SRRM2: variants seen among roughly 807,000 people sequenced by gnomAD.
SRRM2 encodes the protein serine/arginine repetitive matrix protein 2.
Under a neutral mutation model 213.8 loss-of-function variants are expected in SRRM2, and 30 were observed. The ratio of observed to expected loss-of-function variants is 0.14; its 90% CI spans 0.10 to 0.19. The LOEUF is 0.19. Ranked by LOEUF, SRRM2 falls within the 10% of genes least tolerant of loss-of-function variation. SRRM2 has a pLI of 1.00. For missense variants in SRRM2, 4,904 were observed against 3,647.0 expected (o/e 1.34, Z -8.88); for synonymous variants, 2,025 against 1,377.7 (o/e 1.47, Z -10.40).
In SRRM2 at chr16:2,762,336, G is replaced by A. The variant is rs1442668150; in HGVS notation, c.1808G>A (p.Arg603Lys). 6.2e-7 allele frequency: 1 copy of A among 1,614,046 alleles called. No homozygotes were observed. The highest frequency in any genetic ancestry group is 1.1e-5 in the South Asian group (1 of 91,070). Reference protein sequence around the residue: ...RSRSRTPTRRRSRSRTPARRG... With the variant: ...RSRSRTPTRRKSRSRTPARRG... The stretch of plus-strand genomic sequence containing the variant: ...CGATCCAGAACTCCCACCAGGCGTA[G>A]GTCTCGGTCTAGAACACCAGCCCGG... The change falls in exon 11 of 15, where the codon AGG becomes AAG. Residue 603 changes from arginine to lysine, a missense_variant. By Grantham distance (26) the Arg-to-Lys change is conservative (BLOSUM62 2). Transcript: ENST00000301740.
chr16:2,757,045 A>C (rs1483516124), intron 2 of SRRM2, among the ~76,000 whole-genome samples: 2 of 152,138 alleles, frequency 1.3e-5, no homozygotes, highest in Non-Finnish European at 2.9e-5. Flanking sequence ...AAGAAGTGGG[A>C]ATCATGGGCT....
rs777206525 is a variant in SRRM2, at chr16:2,767,767, C to G, written c.7239C>G (p.Ala2413=). 2.5e-6 allele frequency: 4 copies of G among 1,613,870 alleles called. No homozygotes were observed. Among genetic ancestry groups the G allele is most frequent in the Admixed American group, 3.3e-5 (2 of 59,970 alleles). ...DRARSRTPPS[A]PSQSRMTSER... ...CTAGGTCCAGAACACCACCGTCTGC[C>G]CCAAGCCAATCTAGGATGACCTCTG... Residue 2413 remains alanine, a synonymous_variant, in exon 11 of 15, where the codon GCC becomes GCG. Transcript: ENST00000301740.
In SRRM2 at chr16:2,764,347, A is replaced by C; in HGVS notation, c.3819A>C (p.Glu1273Asp). The C allele has an allele frequency of 6.2e-7, 1 of 1,614,198 alleles. No homozygotes were observed. The highest frequency in any genetic ancestry group is 1.3e-5 in the African/African-American group (1 of 75,060). ...CAAGTAACTTTGAATCATCTCCTGAAGTAGAAGAAAGGCCTGCTGTGTCTT... is the reference window on the plus strand; with the variant it reads ...CAAGTAACTTTGAATCATCTCCTGACGTAGAAGAAAGGCCTGCTGTGTCTT... ...MSTSNFESSPEVEERPAVSLT... is the reference protein window; with the variant it reads ...MSTSNFESSPDVEERPAVSLT... Residue 1273 changes from glutamate to aspartate, a missense_variant, in exon 11 of 15, where the codon GAA becomes GAC. Glu to Asp is a conservative substitution (Grantham distance 45). Transcript: ENST00000301740.
intron 14 of SRRM2, 50 bp downstream of exon 14, chr16:2,770,767 G>C: frequency 3.7e-6 from 6 of 1,601,682 alleles, no homozygotes; most frequent in Non-Finnish European, 5.1e-6. Context: ...AGTTGTGGTG[G>C]TGGGTGGCGG....
In SRRM2 at chr16:2,765,761, C is replaced by A; in HGVS notation, c.5233C>A (p.Arg1745=). The A allele has an allele frequency of 1.2e-6, 2 of 1,614,134 alleles. No individual in the cohort carries two copies. Among genetic ancestry groups the A allele is most frequent in the Non-Finnish European group, 1.7e-6 (2 of 1,180,050 alleles). The change falls in exon 11 of 15, where the codon CGG becomes AGG. Residue 1745 remains arginine, a synonymous_variant. Transcript: ENST00000301740. ...PAEKSRSSRR[R]RSASSPRTKT... is the part of the protein sequence containing the mutation. Reference sequence around the variant, plus strand: ...CGAAAAATCGAGGTCTTCACGCCGACGGCGCTCAGCTTCATCTCCACGCAC... The same window carrying A: ...CGAAAAATCGAGGTCTTCACGCCGAAGGCGCTCAGCTTCATCTCCACGCAC...
In SRRM2 at chr16:2,767,858, C is replaced by A. The variant is rs373817178; in HGVS notation, c.7330C>A (p.Gln2444Lys). Reference sequence around the variant, plus strand: ...TTCACAGTCTCTTCTCCCTCCAGCACAGGATCAGCCGAGGTCTCCTGTGCC... The same window carrying A: ...TTCACAGTCTCTTCTCCCTCCAGCAAAGGATCAGCCGAGGTCTCCTGTGCC... The part of the protein sequence containing the change: ...APSQSLLPPA[Q>K]DQPRSPVPSA... Residue 2444 changes from glutamine to lysine, a missense_variant, in exon 11 of 15, where the codon CAG becomes AAG. Physicochemically the swap from Gln to Lys is moderately conservative, Grantham distance 53 (BLOSUM62 1). Transcript: ENST00000301740. 6.2e-7 allele frequency: 1 copy of A among 1,614,034 alleles called. No homozygotes were observed. The highest frequency in any genetic ancestry group is 1.3e-5 in the African/African-American group (1 of 74,894).
chr16:2,757,251 C>A (rs904820983), intron 2 of SRRM2, among the ~76,000 whole-genome samples: 2 of 152,004 alleles, frequency 1.3e-5, no homozygotes, highest in Non-Finnish European at 2.9e-5. Context: ...CTTTTGGTCC[C>A]TGAGGTGTAG....
rs868520558 is a variant in SRRM2, at chr16:2,759,640, C to T, written c.812C>T (p.Ser271Phe). ...TCAACTTCTGCTGACTCTGCTTCCTCCTCCGATACTTCCCGCAGTCGGTAA... is the reference window on the plus strand; with the variant it reads ...TCAACTTCTGCTGACTCTGCTTCCTTCTCCGATACTTCCCGCAGTCGGTAA... ...HRSTSADSAS[S>F]SDTSRSRSRS... Residue 271 changes from serine to phenylalanine, a missense_variant, in exon 9 of 15, where the codon TCC becomes TTC. Physicochemically the swap from Ser to Phe is radical, Grantham distance 155 (BLOSUM62 -2). Coordinates refer to ENST00000301740, the MANE Select transcript of SRRM2 (RefSeq NM_016333.4). The T allele has an allele frequency of 2.5e-6, 4 of 1,614,020 alleles. No individual in the cohort carries two copies. The highest frequency in any genetic ancestry group is 1.7e-4 in the Middle Eastern group (1 of 6,060).
At chr16:2,753,009 C>T (rs2067984709) in intron 1 of SRRM2, among the ~76,000 whole-genome samples, 163 bp downstream of exon 1, 1 of 150,866 alleles carries the variant, frequency 6.6e-6, no homozygotes, top group African/African-American at 2.4e-5. Context: ...TTCCCCCTTC[C>T]CGCCGTTCCT....
rs1380937969 is a variant in SRRM2, at chr16:2,752,698, C to T, written c.-180C>T. On this transcript the variant is annotated 5_prime_UTR_variant, in exon 1 of 15. Transcript: ENST00000301740. The stretch of plus-strand genomic sequence containing the variant: ...GTGGCGCAGTTGGAGCCCGTTGCGG[C>T]CCCTGAGGAAGCGAGGAGGCGTCGG... 3 of 336,256 alleles carry T rather than the reference C, an allele frequency of 8.9e-6. No individual in the cohort carries two copies. 20.8% of individuals were successfully genotyped at this position (336,256 alleles called of 1,614,324 possible).
In SRRM2 at chr16:2,769,129, C is replaced by CTCCTCTTCT. The variant is rs751824655; in HGVS notation, c.7871_7872insTTCTTCCTC (p.Ser2646_Ser2648dup). On this transcript the variant is annotated inframe_insertion, in exon 12 of 15. Coordinates refer to ENST00000301740, the MANE Select transcript of SRRM2 (RefSeq NM_016333.4). ...CCTCCTCTTCATCTTCCTCCTCCTC[C>CTCCTCTTCT]TCCTCCTCCTCTTCTTCCTCCTCCT... The CTCCTCTTCT allele has an allele frequency of 1.9e-6, 3 of 1,613,006 alleles. No individual in the cohort carries two copies. The Admixed American group carries it at 5.0e-5, about 27-fold the overall frequency.
Position 2,766,193 on chromosome 16 carries a change from A to G in SRRM2, c.5665A>G (p.Arg1889Gly). Residue 1889 changes from arginine to glycine, a missense_variant, in exon 11 of 15, where the codon AGA becomes GGA. By Grantham distance (125) the Arg-to-Gly change is moderately radical. Coordinates refer to ENST00000301740, the MANE Select transcript of SRRM2 (RefSeq NM_016333.4). The surrounding 1 kb of genome is among the most constrained non-coding windows in gnomAD (Gnocchi z 7.0). ...CCCCCTGATAAGCCGACGTAGGTCCAGATCTCGAACTTCACCAGTCAGCCG... is the reference window on the plus strand; with the variant it reads ...CCCCCTGATAAGCCGACGTAGGTCCGGATCTCGAACTTCACCAGTCAGCCG... ...RTPLISRRRSRSRTSPVSRRR... is the reference protein window; with the variant it reads ...RTPLISRRRSGSRTSPVSRRR... The G allele has an allele frequency of 1.2e-6, 2 of 1,614,170 alleles. No individual in the cohort carries two copies. The highest frequency in any genetic ancestry group is 1.7e-6 in the Non-Finnish European group (2 of 1,180,026).
rs1414504075 is a variant in SRRM2, at chr16:2,765,514, G to A, written c.4986G>A (p.Pro1662=). ...GTACCGAGTCCTCTCCTGAACATCC[G>A]CCCAAATCCAGAACTGCTCGCAGAG... The part of the protein sequence containing the change: ...SSSTESSPEH[P]PKSRTARRGS... Residue 1662 remains proline, a synonymous_variant, in exon 11 of 15, where the codon CCG becomes CCA. Transcript: ENST00000301740. 6.2e-6 allele frequency: 10 copies of A among 1,614,054 alleles called. No individual in the cohort carries two copies. The highest frequency in any genetic ancestry group is 2.2e-5 in the East Asian group (1 of 44,870).
chr16:2,770,267 G>A, intron 12 of SRRM2, 85 bp from the exon 13 acceptor site: 1 of 1,476,772 alleles, frequency 6.8e-7, no homozygotes, highest in Non-Finnish European at 9.0e-7. Context: ...GAGGTTTGGT[G>A]GTCAGGACCT....
chr16:2,766,333 A>G lies in SRRM2; in HGVS notation c.5805A>G (p.Ser1935=), dbSNP rs769660179. Reference sequence around the variant, plus strand: ...CGCCACCAGTAACCCGCCGTCGTTCAAGGTCTAGAACGCCAACAACACGCC... The same window carrying G: ...CGCCACCAGTAACCCGCCGTCGTTCGAGGTCTAGAACGCCAACAACACGCC... ...SRTPPVTRRR[S]RSRTPTTRRR... The change falls in exon 11 of 15, where the codon TCA becomes TCG. Residue 1935 remains serine, a synonymous_variant. Transcript: ENST00000301740. The surrounding 1 kb of genome is among the most constrained non-coding windows in gnomAD (Gnocchi z 7.0). The G allele has an allele frequency of 1.9e-6, 3 of 1,614,132 alleles. No individual in the cohort carries two copies. The highest frequency in any genetic ancestry group is 2.5e-6 in the Non-Finnish European group (3 of 1,179,998).
intron 14 of SRRM2, 68 bp downstream of exon 14, chr16:2,770,785 T>A: frequency 6.2e-7 from 1 of 1,610,302 alleles, no homozygotes; most frequent in Non-Finnish European, 8.5e-7. Flanking sequence ...CGGCCCCATT[T>A]TGGGAGTGGC....
Position 2,763,990 on chromosome 16 carries a change from G to C in SRRM2, c.3462G>C (p.Leu1154Phe). 6.2e-7 allele frequency: 1 copy of C among 1,614,164 alleles called. No homozygotes were observed. Among genetic ancestry groups the C allele is most frequent in the Non-Finnish European group, 8.5e-7 (1 of 1,180,028 alleles). The change falls in exon 11 of 15, where the codon TTG becomes TTC. Residue 1154 changes from leucine (L) to phenylalanine (F), a missense_variant. Physicochemically the swap from Leu to Phe is conservative, Grantham distance 22. Coordinates refer to ENST00000301740, the MANE Select transcript of SRRM2 (RefSeq NM_016333.4). Reference protein sequence around the residue: ...SYPTVDSNSLLGQSRLETAES... With the variant: ...SYPTVDSNSLFGQSRLETAES... Reference sequence around the variant, plus strand: ...CTACAGTGGACTCGAATTCTCTCTTGGGGCAGAGTAGATTGGAGACTGCTG... The same window carrying C: ...CTACAGTGGACTCGAATTCTCTCTTCGGGCAGAGTAGATTGGAGACTGCTG...
In SRRM2 at chr16:2,764,106, A is replaced by G. The variant is rs1384683373; in HGVS notation, c.3578A>G (p.Gln1193Arg). The G allele has an allele frequency of 6.2e-7, 1 of 1,614,192 alleles. No homozygotes were observed. The change falls in exon 11 of 15, where the codon CAG (glutamine) becomes CGG (arginine). Residue 1193 changes from glutamine to arginine, a missense_variant. Gln to Arg is a conservative substitution (Grantham distance 43). Transcript: ENST00000301740. ...GACAAATTTAGTCCCTTTCCAGTACAGGATAGGCCTGAGTCTTCACTGGTA... is the reference window on the plus strand; with the variant it reads ...GACAAATTTAGTCCCTTTCCAGTACGGGATAGGCCTGAGTCTTCACTGGTA... ...QKDKFSPFPVQDRPESSLVFK... is the reference protein window; with the variant it reads ...QKDKFSPFPVRDRPESSLVFK...
intron 13 of SRRM2, 46 bp downstream of exon 13, chr16:2,770,511 C>T (rs1385166112): frequency 2.0e-5 from 31 of 1,571,476 alleles, no homozygotes; most frequent in Non-Finnish European, 2.7e-5. Flanking sequence ...CTGGCCGCCA[C>T]TGCTTTCTAC....
Sources: allele counts gnomAD v4.1 joint callset (sites outside exome capture counted in the v4.1 genomes callset), GRCh38; gene constraint gnomAD v4.1.1; non-coding constraint Gnocchi (gnomAD v3.1); transcripts MANE v1.5; gene names NCBI Gene and HGNC (gene_info 2026-07-23, HGNC 2026-07-21).